CCDC92B: variants seen among roughly 807,000 people sequenced by gnomAD.
CCDC92B encodes the protein coiled-coil domain containing 92B.
CCDC92B carries 2 observed loss-of-function variants against 5.6 expected under a neutral mutation model. The ratio of observed to expected loss-of-function variants is 0.36; its 90% CI spans 0.15 to 1.12. CCDC92B has a LOEUF of 1.12. CCDC92B is among the 50% of genes most tolerant of loss of function. The pLI, the probability that CCDC92B is intolerant of heterozygous loss-of-function variation, is 0.40. For synonymous variants in CCDC92B, 115 were observed against 122.3 expected (o/e 0.94, Z 0.39); for missense variants, 271 against 262.2 (o/e 1.03, Z -0.23).
Position 2,748,173 on chromosome 17 carries a change from T to C in CCDC92B, c.-24+1238A>G, listed in dbSNP as rs763824017. 1.3e-5 allele frequency: 7 copies of C among 540,700 alleles called. No homozygotes were observed. In the East Asian group the frequency reaches 3.8e-4, roughly 29 times the overall value. 33.5% of individuals were successfully genotyped at this position (540,700 alleles called of 1,614,324 possible). ...ATCTTCTTCTCTTTTGGATTCTATC[T>C]CTTGCTGCTCTGATGACAAACTCTT... On this transcript the variant is annotated intron_variant, in intron 1 of 3. Coordinates refer to ENST00000614400, the MANE Select transcript of CCDC92B (RefSeq NM_001355573.2).
At chr17:2,747,296 G>T (rs559568772) in intron 1 of CCDC92B, among the ~76,000 whole-genome samples, 2 of 152,286 alleles carry the variant, frequency 1.3e-5, no homozygotes, top group South Asian at 4.1e-4. Flanking sequence ...GTTCTTAACA[G>T]TCAATAGCCA....
chr17:2,725,365 A>G (rs1418067508), intron 3 of CCDC92B, among the ~76,000 whole-genome samples: 3 of 151,966 alleles, frequency 2.0e-5, no homozygotes, highest in African/African-American at 7.3e-5. Flanking sequence ...CCTAGGTGAC[A>G]CAACGAGATT....
At position 2,729,147 on chromosome 17, in the gene CCDC92B, C is replaced by G. The variant is rs150797706; in HGVS notation, c.178+1299G>C. On this transcript the variant is annotated intron_variant, in intron 3 of 3. Transcript: ENST00000614400. The stretch of plus-strand genomic sequence containing the variant: ...TTGGTTTCCTAAAGTCTTGGGATTA[C>G]AGGCGTGAGCCACCACACCTGGCCT... Among the ~76,000 whole-genome samples, 528 of 152,250 alleles carry G rather than the reference C, an allele frequency of 3.5e-3. 1 individual carries two copies. The highest frequency in any genetic ancestry group is 0.012 in the African/African-American group (497 of 41,558).
intron 1 of CCDC92B, among the ~76,000 whole-genome samples, chr17:2,742,566 A>C (rs1249285634): frequency 6.6e-6 from 1 of 152,146 alleles, no homozygotes; most frequent in Admixed American, 6.6e-5. Context: ...CCCAAGAATG[A>C]AGGCATATTT....
chr17:2,731,362 G>A (rs964394560), intron 2 of CCDC92B, among the ~76,000 whole-genome samples: 1 of 152,082 alleles, frequency 6.6e-6, no homozygotes, highest in African/African-American at 2.4e-5. Context: ...ACTCCACCAG[G>A]GCTCAAGAAC....
At chr17:2,726,734 C>T (rs1446573892) in intron 3 of CCDC92B, among the ~76,000 whole-genome samples, 2 of 151,964 alleles carry the variant, frequency 1.3e-5, no homozygotes, top group Non-Finnish European at 2.9e-5. Context: ...CTGCCTCAGC[C>T]TCCGGAGTAG....
chr17:2,741,774 A>G (rs2070929810), intron 1 of CCDC92B, among the ~76,000 whole-genome samples: 1 of 150,918 alleles, frequency 6.6e-6, no homozygotes, highest in Non-Finnish European at 1.5e-5. Flanking sequence ...TTGTATTTTT[A>G]GTAGAGATGG....
intron 1 of CCDC92B, chr17:2,748,397 T>A (rs1244593176): frequency 1.0e-6 from 1 of 985,136 alleles, no homozygotes; most frequent in Non-Finnish European, 1.2e-6. Context: ...GGGTGGCAGC[T>A]AGCACCACAG....
At position 2,724,043 on chromosome 17, in the gene CCDC92B, G is replaced by GGCC; in HGVS notation, c.*367_*368insGGC. On this transcript the variant is annotated 3_prime_UTR_variant, in exon 4 of 4. Transcript: ENST00000614400. The surrounding 1 kb of genome is among the most constrained non-coding windows in gnomAD (Gnocchi z 5.0). ...ACTCTGCGTCCCTTTCCGTAGGCGAGCCCAGCCCTCCCCACCCCACCAAGG... is the reference window on the plus strand; with the variant it reads ...ACTCTGCGTCCCTTTCCGTAGGCGAGGCCCCCAGCCCTCCCCACCCCACCAAGG... 3.0e-6 allele frequency: 3 copies of GGCC among 983,764 alleles called. No individual in the cohort carries two copies. Among genetic ancestry groups the GGCC allele is most frequent in the Non-Finnish European group, 3.6e-6 (3 of 828,488 alleles). The allele number at this position is 983,764 out of a possible 1,614,324, so 60.9% of individuals were successfully genotyped here. A position where few individuals can be genotyped will look rare whatever the true frequency, so the allele number is the denominator to read the frequency against.
At chr17:2,740,844 G>C (rs2070917977) in intron 1 of CCDC92B, among the ~76,000 whole-genome samples, 1 of 151,520 alleles carries the variant, frequency 6.6e-6, no homozygotes. Flanking sequence ...GCATGGGCCT[G>C]TAGTCCCAGC....
rs1239970298 is a variant in CCDC92B, at chr17:2,723,919, G to C, written c.*492C>G. 1 of 978,180 alleles carries C rather than the reference G, an allele frequency of 1.0e-6. No homozygotes were observed. 60.6% of individuals were successfully genotyped at this position (978,180 alleles called of 1,614,324 possible). A position where few individuals can be genotyped will look rare whatever the true frequency, so the allele number is the denominator to read the frequency against. ...GTAGAAGGACCAGCCCCTAGCCTGGGCCTCTCCTGGGGAGGAAGAAGGCTT... is the reference window on the plus strand; with the variant it reads ...GTAGAAGGACCAGCCCCTAGCCTGGCCCTCTCCTGGGGAGGAAGAAGGCTT... On this transcript the variant is annotated 3_prime_UTR_variant, in exon 4 of 4. Transcript: ENST00000614400.
At chr17:2,736,434 A>AT (rs1189992270) in intron 1 of CCDC92B, among the ~76,000 whole-genome samples, 1 of 151,816 alleles carries the variant, frequency 6.6e-6, no homozygotes, top group Non-Finnish European at 1.5e-5. Flanking sequence ...CTCTAAATAA[A>AT]TAAATTAAAT....
rs2070675582 is a variant in CCDC92B at position 2,723,078 on chromosome 17, C to G, written c.*1333G>C. On this transcript the variant is annotated 3_prime_UTR_variant, in exon 4 of 4. Transcript: ENST00000614400. Reference sequence around the variant, plus strand: ...TGCCAGATTCTGATAGGTTTAGGGGCATCCGTGGAGGGGGCCAGGATGGGG... The same window carrying G: ...TGCCAGATTCTGATAGGTTTAGGGGGATCCGTGGAGGGGGCCAGGATGGGG... The G allele has an allele frequency of 6.5e-6, 1 of 152,970 alleles. No homozygotes were observed. Among genetic ancestry groups the G allele is most frequent in the African/African-American group, 2.4e-5 (1 of 41,474 alleles). 9.5% of individuals were successfully genotyped at this position (152,970 alleles called of 1,614,324 possible).
At chr17:2,734,841 C>T (rs1034929649) in intron 2 of CCDC92B, among the ~76,000 whole-genome samples, 175 bp downstream of exon 2, 2 of 152,180 alleles carry the variant, frequency 1.3e-5, no homozygotes, top group Admixed American at 6.6e-5. Context: ...ACTTTTCCAA[C>T]TTCTCTGTCC....
intron 2 of CCDC92B, among the ~76,000 whole-genome samples, chr17:2,732,454 T>C (rs2070804027): frequency 6.6e-6 from 1 of 152,180 alleles, no homozygotes; most frequent in African/African-American, 2.4e-5. Context: ...TGGTAGCTCA[T>C]GCCTGTAAAG....
intron 1 of CCDC92B, among the ~76,000 whole-genome samples, chr17:2,739,866 G>A: frequency 6.6e-6 from 1 of 151,974 alleles, no homozygotes; most frequent in East Asian, 1.9e-4. Context: ...CACTCATTTA[G>A]TGATCTACTA....
At chr17:2,747,073 G>A (rs2070995513) in intron 1 of CCDC92B, among the ~76,000 whole-genome samples, 1 of 152,104 alleles carries the variant, frequency 6.6e-6, no homozygotes, top group Admixed American at 6.6e-5. Flanking sequence ...AGGTCCCCTG[G>A]CCTCTGCCAC....
chr17:2,734,120 C>T (rs2070831578), intron 2 of CCDC92B, among the ~76,000 whole-genome samples: 1 of 152,140 alleles, frequency 6.6e-6, no homozygotes, highest in African/African-American at 2.4e-5. Context: ...CTAGAACCTT[C>T]CATGAGCTTT....
At position 2,723,969 on chromosome 17, in the gene CCDC92B, G is replaced by T; in HGVS notation, c.*442C>A. On this transcript the variant is annotated 3_prime_UTR_variant, in exon 4 of 4. Coordinates refer to ENST00000614400, the MANE Select transcript of CCDC92B (RefSeq NM_001355573.2). ...TGGCGGGAAGGGCGTCGGCGCGGGG[G>T]TGGGGGAGGCGGGGGGTGGGGAGCT... 3 of 969,994 alleles carry T rather than the reference G, an allele frequency of 3.1e-6. No homozygotes were observed. Among genetic ancestry groups the T allele is most frequent in the Non-Finnish European group, 3.7e-6 (3 of 816,778 alleles). The allele number at this position is 969,994 out of a possible 1,614,324, so 60.1% of individuals were successfully genotyped here.
Sources: gnomAD v4.1 joint callset for allele counts (sites outside exome capture counted in the v4.1 genomes callset) on GRCh38, gnomAD v4.1.1 for gene constraint, Gnocchi (gnomAD v3.1) non-coding constraint, MANE v1.5 for transcripts, NCBI Gene and HGNC (gene_info 2026-07-23, HGNC 2026-07-21) for gene names.